ATR: variants seen among roughly 807,000 people sequenced by gnomAD.
ATR encodes the protein serine/threonine-protein kinase ATR.
A neutral mutation model predicts 305.3 loss-of-function variants in ATR; 142 were observed. The ratio of observed to expected loss-of-function variants is 0.47; its 90% confidence interval spans 0.41 to 0.53. ATR has a LOEUF of 0.53. Ranked by LOEUF, ATR falls within the 20% of genes least tolerant of loss-of-function variation. The pLI is 0.00. For synonymous variants in ATR, 1,050 were observed against 1,068.1 expected (o/e 0.98, Z 0.33); for missense variants, 2,135 against 3,133.1 (o/e 0.68, Z 7.60).
chr3:142,560,514 G>T (rs2034838830), intron 5 of ATR, 60 bp from the exon 6 acceptor site: 2 of 1,487,778 alleles, frequency 1.3e-6, no homozygotes, highest in Non-Finnish European at 9.3e-7. Flanking sequence ...GTTAAAACAT[G>T]AAACATATTT....
At chr3:142,473,278 T>C (rs531185034) in intron 36 of ATR, among the ~76,000 whole-genome samples, 1 of 152,168 alleles carries the variant, frequency 6.6e-6, no homozygotes, top group African/African-American at 2.4e-5. Context: ...TTTTTGTATA[T>C]GGTGTAAGGT....
At chr3:142,518,148 C>G (rs574818237) in intron 24 of ATR, among the ~76,000 whole-genome samples, 3 of 152,246 alleles carry the variant, frequency 2.0e-5, no homozygotes, top group Non-Finnish European at 4.4e-5. Context: ...AAAATACAGA[C>G]TAAGAAAATG....
At chr3:142,571,028 C>T (rs2035241566) in intron 1 of ATR, among the ~76,000 whole-genome samples, 1 of 152,132 alleles carries the variant, frequency 6.6e-6, no homozygotes, top group Non-Finnish European at 1.5e-5. Context: ...AATCCTTGGA[C>T]AGGAGGGTAA....
At chr3:142,554,832 G>A (rs927989046) in intron 10 of ATR, among the ~76,000 whole-genome samples, 1 of 151,676 alleles carries the variant, frequency 6.6e-6, no homozygotes, top group Non-Finnish European at 1.5e-5. Flanking sequence ...GAGGTGGGAG[G>A]ATCACTTGAG....
chr3:142,506,031 A>G (rs1461151761), intron 28 of ATR, among the ~76,000 whole-genome samples: 1 of 152,222 alleles, frequency 6.6e-6, no homozygotes, highest in East Asian at 1.9e-4. Context: ...GAGGGCTGGG[A>G]AAAATTTACT....
intron 21 of ATR, among the ~76,000 whole-genome samples, chr3:142,533,744 T>C (rs975596710): frequency 6.6e-6 from 1 of 152,192 alleles, no homozygotes; most frequent in Non-Finnish European, 1.5e-5. Context: ...AAAAATCCCA[T>C]AATAATATAC....
At chr3:142,564,366 T>C (rs1162550417) in intron 3 of ATR, among the ~76,000 whole-genome samples, 1 of 152,250 alleles carries the variant, frequency 6.6e-6, no homozygotes, top group Non-Finnish European at 1.5e-5. Flanking sequence ...GTATAAACTT[T>C]TCATTTCTCT....
Position 142,556,060 on chromosome 3 carries a change from C to T in ATR, c.2158G>A (p.Gly720Ser), listed in dbSNP as rs143633875. 1.1e-5 allele frequency: 17 copies of T among 1,613,706 alleles called. No individual in the cohort carries two copies. The highest frequency in any genetic ancestry group is 1.7e-5 in the Admixed American group (1 of 59,980). ...AAAGAACTTGTCAGATAAAACATGCCGTGAAGAGTACAGACAAGTTGACCA... is the reference window on the plus strand; with the variant it reads ...AAAGAACTTGTCAGATAAAACATGCTGTGAAGAGTACAGACAAGTTGACCA... ...ILGQLVCTLH[G>S]MFYLTSSLTE... Residue 720 changes from glycine (G) to serine (S), a missense_variant, in exon 10 of 47, where the codon GGC (glycine) becomes AGC (serine). Coordinates refer to ENST00000350721, the MANE Select transcript of ATR (RefSeq NM_001184.4).
chr3:142,486,772 G>A (rs2030951336), intron 35 of ATR, among the ~76,000 whole-genome samples: 1 of 151,736 alleles, frequency 6.6e-6, no homozygotes, highest in African/African-American at 2.4e-5. Context: ...AACTCCAGGA[G>A]TTTTTTGTCT....
In ATR at chr3:142,562,443, A is replaced by G; in HGVS notation, c.959T>C (p.Met320Thr). The G allele has an allele frequency of 6.2e-7, 1 of 1,614,152 alleles. No homozygotes were observed. The highest frequency in any genetic ancestry group is 2.2e-5 in the East Asian group (1 of 44,878). The change falls in exon 4 of 47, where the codon ATG (methionine) becomes ACG (threonine). Residue 320 changes from methionine to threonine, a missense_variant. Transcript: ENST00000350721. ...CATGACACAGAGTTTTTCCAGCAGC[A>G]TATTTAAATAGACAGGTTCAATATT... is the stretch of plus-strand genomic sequence containing the variant. ...YRNIEPVYLN[M>T]LLEKLCVMFE... is the part of the protein sequence containing the mutation.
chr3:142,531,307 AG>A (rs1278372801), intron 21 of ATR, among the ~76,000 whole-genome samples: 1 of 151,986 alleles, frequency 6.6e-6, no homozygotes, highest in African/African-American at 2.4e-5. Flanking sequence ...CACAACGTGC[AG>A]GTTTGTTACA....
intron 41 of ATR, 101 bp from the exon 42 acceptor site, chr3:142,462,191 A>C (rs2108266694): frequency 8.2e-7 from 1 of 1,220,890 alleles, no homozygotes. Flanking sequence ...TAACCAAAGA[A>C]TGTCATTGAA....
chr3:142,494,476 A>G (rs1246888045), intron 34 of ATR, among the ~76,000 whole-genome samples: 3 of 152,252 alleles, frequency 2.0e-5, no homozygotes, highest in African/African-American at 7.2e-5. Context: ...GATAGAGAAG[A>G]GAGTCCCTTA....
chr3:142,483,446 T>C (rs1450953349), intron 36 of ATR, among the ~76,000 whole-genome samples: 1 of 152,196 alleles, frequency 6.6e-6, no homozygotes, highest in Non-Finnish European at 1.5e-5. Flanking sequence ...TAAGAATAAG[T>C]ACTTTCTACA....
chr3:142,452,632 C>G (rs1156495915), intron 46 of ATR: 1 of 925,170 alleles, frequency 1.1e-6, no homozygotes, highest in Admixed American at 5.5e-5. Flanking sequence ...CAAGATCGTG[C>G]CACTGTACTC....
Position 142,550,314 on chromosome 3 carries a change from A to G in ATR, c.2806-12T>C. ...GATTCTACCAAAAACTAGAGCAAAA[A>G]CCATTTTATTGTGAGTTTTCACACA... On this transcript the variant is annotated splice_polypyrimidine_tract_variant and intron_variant, in intron 13 of 46. Transcript: ENST00000350721. The G allele has an allele frequency of 6.2e-7, 1 of 1,613,390 alleles. No homozygotes were observed.
intron 30 of ATR, among the ~76,000 whole-genome samples, chr3:142,502,361 T>C (rs1433392749): frequency 6.8e-6 from 1 of 148,016 alleles, no homozygotes; most frequent in Non-Finnish European, 1.5e-5. Flanking sequence ...GTGGCACATA[T>C]ACACAATGGA....
Position 142,561,264 on chromosome 3 carries a change from C to T in ATR, c.1328G>A (p.Arg443Lys), listed in dbSNP as rs28367453. 9.3e-6 allele frequency: 15 copies of T among 1,613,910 alleles called. No homozygotes were observed. Among genetic ancestry groups the T allele is most frequent in the African/African-American group, 8.0e-5 (6 of 74,978 alleles). Residue 443 changes from arginine (R) to lysine (K), a missense_variant, in exon 5 of 47, where the codon AGA becomes AAA. This residue lies in a region of ATR where 744 missense variants were observed against 873.2 expected (regional missense o/e 0.85). Coordinates refer to ENST00000350721, the MANE Select transcript of ATR (RefSeq NM_001184.4). ...RLSSSLNPSKRAPKQTEEIKH... is the reference protein window; with the variant it reads ...RLSSSLNPSKKAPKQTEEIKH... The stretch of plus-strand genomic sequence containing the variant: ...ATACTCCTCAGTCTGTTTTGGTGCT[C>T]TTTTAGAAGGGTTTAGAGACGAGCT...
intron 34 of ATR, among the ~76,000 whole-genome samples, chr3:142,496,062 T>C (rs942288062): frequency 3.3e-5 from 5 of 151,274 alleles, no homozygotes; most frequent in Admixed American, 1.3e-4. Flanking sequence ...TAAGAGGTCG[T>C]TTTCCTCAAG....
Sources: allele counts gnomAD v4.1 joint callset (sites outside exome capture counted in the v4.1 genomes callset), GRCh38; gene constraint gnomAD v4.1.1; regional missense constraint gnomAD v4.1.1; transcripts MANE v1.5; gene names NCBI Gene and HGNC (gene_info 2026-07-23, HGNC 2026-07-21).